The following ZRANB3 variants were observed in gnomAD, a reference collection of about 807,000 sequenced individuals.
ZRANB3 encodes the protein DNA annealing helicase and endonuclease ZRANB3.
Under a neutral mutation model 133.8 loss-of-function variants are expected in ZRANB3, and 125 were observed. The observed-to-expected ratio is 0.93, with a 90% confidence interval of 0.81 to 1.08. The LOEUF is 1.08. Among genes scored for constraint, ZRANB3 ranks in the 50% least tolerant of loss-of-function variants. The pLI is 0.00. For synonymous variants in ZRANB3, 387 were observed against 432.7 expected, an observed-to-expected ratio of 0.89 and a Z score of 1.31; for missense variants, 1,229 against 1,275.5, an observed-to-expected ratio of 0.96 and a Z score of 0.56.
chr2:135,431,096 G>A (rs1363221811), intron 2 of ZRANB3, among the ~76,000 whole-genome samples: 3 of 150,420 alleles, frequency 2.0e-5, no homozygotes, highest in Non-Finnish European at 4.4e-5. Context: ...GCAATGATGT[G>A]AGACTCTATC....
At chr2:135,219,542 C>T (rs1028589830) in intron 15 of ZRANB3, among the ~76,000 whole-genome samples, 2 of 152,240 alleles carry the variant, frequency 1.3e-5, no homozygotes, top group African/African-American at 4.8e-5. Flanking sequence ...AAGAATATTA[C>T]ATCCTTGAAG....
rs76994922 is a variant in ZRANB3 at position 135,376,271 on chromosome 2, T to C, written c.180+14531A>G. 2.3e-3 allele frequency among the ~76,000 whole-genome samples: 344 copies of C among 152,308 alleles called. 2 individuals are homozygous for C. The highest frequency in any genetic ancestry group is 7.8e-3 in the African/African-American group (325 of 41,570). On this transcript the variant is annotated intron_variant, in intron 3 of 20. Transcript: ENST00000264159. Reference sequence around the variant, plus strand: ...GCTATGAGAGTAAAAATTTCAATTATTTTAAGCCCCCCAGTTTGTGGTACT... The same window carrying C: ...GCTATGAGAGTAAAAATTTCAATTACTTTAAGCCCCCCAGTTTGTGGTACT...
chr2:135,350,143 A>G lies in ZRANB3; in HGVS notation c.432T>C (p.Asp144=), dbSNP rs372430327. 1.9e-6 allele frequency: 3 copies of G among 1,613,326 alleles called. No homozygotes were observed. The highest frequency in any genetic ancestry group is 2.2e-5 in the South Asian group (2 of 90,976). The change falls in exon 5 of 21, where the codon GAT becomes GAC. Residue 144 remains aspartate, a synonymous_variant. Coordinates refer to ENST00000264159, the MANE Select transcript of ZRANB3 (RefSeq NM_032143.4). ...LLTADAKTLI[D]ALNNQNFKVV... ...CTTTGAAGTTCTGATTATTCAGTGC[A>G]TCTATCAAAGTCTTTGCATCTGCGG...
intron 1 of ZRANB3, among the ~76,000 whole-genome samples, chr2:135,524,498 G>T (rs72988403): frequency 4.3e-4 from 66 of 152,248 alleles, no homozygotes; most frequent in African/African-American, 1.6e-3. Flanking sequence ...TTGGCTTTAA[G>T]AAGTCATATT....
intron 8 of ZRANB3, among the ~76,000 whole-genome samples, chr2:135,302,719 T>C (rs1336226757): frequency 1.3e-5 from 2 of 151,962 alleles, no homozygotes; most frequent in Non-Finnish European, 2.9e-5. Context: ...AGAGACAGGG[T>C]TTCACCATGC....
chr2:135,263,005 T>G (rs1203999713), intron 12 of ZRANB3, among the ~76,000 whole-genome samples: 1 of 152,002 alleles, frequency 6.6e-6, no homozygotes, highest in Non-Finnish European at 1.5e-5. Flanking sequence ...CATTCAAAAT[T>G]TACAAATATT....
intron 6 of ZRANB3, among the ~76,000 whole-genome samples, chr2:135,322,240 T>C (rs1346532969): frequency 6.6e-6 from 1 of 152,204 alleles, no homozygotes; most frequent in Non-Finnish European, 1.5e-5. Context: ...TGTCTCCTGA[T>C]TGACGACTGT....
rs377581832 is a variant in ZRANB3, at chr2:135,491,540, G to A, written c.161+12789C>T. ...TTTGTATTTTTTTTTTTGAGATATA[G>A]TCTCACTCTGTTGCCCAGGCTGGAG... On this transcript the variant is annotated intron_variant, in intron 2 of 20. Transcript: ENST00000264159. 1.4e-4 allele frequency among the ~76,000 whole-genome samples: 21 copies of A among 151,260 alleles called. 1 individual carries two copies. The highest frequency in any genetic ancestry group is 1.0e-3 in the South Asian group (5 of 4,798).
At chr2:135,449,279 C>A (rs892401202) in intron 2 of ZRANB3, among the ~76,000 whole-genome samples, 1 of 152,160 alleles carries the variant, frequency 6.6e-6, no homozygotes, top group African/African-American at 2.4e-5. Context: ...GTGAACCCAG[C>A]CAAACCCCTG....
chr2:135,428,792 A>G (rs1453060979), intron 2 of ZRANB3, among the ~76,000 whole-genome samples: 1 of 152,238 alleles, frequency 6.6e-6, no homozygotes, highest in Non-Finnish European at 1.5e-5. Flanking sequence ...AATCCTCAAC[A>G]TCACTAATTA....
chr2:135,283,845 G>A (rs1173216468), intron 8 of ZRANB3, among the ~76,000 whole-genome samples: 4 of 151,942 alleles, frequency 2.6e-5, no homozygotes, highest in Non-Finnish European at 5.9e-5. Flanking sequence ...AGCCAGGCAT[G>A]ATGGCTCATG....
chr2:135,270,471 G>C (rs1680460980), intron 10 of ZRANB3, among the ~76,000 whole-genome samples: 1 of 152,060 alleles, frequency 6.6e-6, no homozygotes, highest in African/African-American at 2.4e-5. Flanking sequence ...TAAAATGTAA[G>C]TGCCCCATAC....
chr2:135,295,095 T>C (rs1239652528), intron 8 of ZRANB3, among the ~76,000 whole-genome samples: 1 of 152,216 alleles, frequency 6.6e-6, no homozygotes, highest in East Asian at 1.9e-4. Context: ...TGGAGAGTTC[T>C]GTAGATGTCT....
chr2:135,489,633 T>C (rs1574190847), intron 2 of ZRANB3, among the ~76,000 whole-genome samples: 1 of 147,952 alleles, frequency 6.8e-6, no homozygotes. Flanking sequence ...GTCAGAGAAA[T>C]AAAAAAAATA....
intron 2 of ZRANB3, among the ~76,000 whole-genome samples, chr2:135,391,390 C>G (rs1024948484): frequency 6.6e-6 from 1 of 152,108 alleles, no homozygotes; most frequent in Non-Finnish European, 1.5e-5. Context: ...CCTTCAAAAA[C>G]GTGAGCAAAG....
intron 6 of ZRANB3, among the ~76,000 whole-genome samples, chr2:135,341,157 C>T (rs1276303339): frequency 6.7e-6 from 1 of 149,492 alleles, no homozygotes; most frequent in African/African-American, 2.6e-5. Context: ...GTAGCTGGGA[C>T]TACAGGTGCC....
intron 3 of ZRANB3, among the ~76,000 whole-genome samples, chr2:135,364,192 T>G (rs529021012): frequency 7.9e-5 from 12 of 152,296 alleles, no homozygotes; most frequent in African/African-American, 2.6e-4. Context: ...TGGATGACTC[T>G]CAGGTTGCAT....
At chr2:135,418,532 T>C (rs180947157) in intron 2 of ZRANB3, among the ~76,000 whole-genome samples, 1 of 152,276 alleles carries the variant, frequency 6.6e-6, no homozygotes, top group African/African-American at 2.4e-5. Context: ...CCTCAGAATA[T>C]ACAGGAAAAA....
At chr2:135,311,807 A>AT in intron 8 of ZRANB3, among the ~76,000 whole-genome samples, 1 of 152,208 alleles carries the variant, frequency 6.6e-6, no homozygotes, top group Non-Finnish European at 1.5e-5. Context: ...AAGGAAAGCA[A>AT]TAAAAAGGAA....
Sources: allele counts gnomAD v4.1 joint callset (sites outside exome capture counted in the v4.1 genomes callset), GRCh38; gene constraint gnomAD v4.1.1; transcripts MANE v1.5; gene names NCBI Gene and HGNC (gene_info 2026-07-23, HGNC 2026-07-21).